NPAS3: variants seen among roughly 807,000 people sequenced by gnomAD.
NPAS3 encodes neuronal PAS domain-containing protein 3.
Under a neutral mutation model 73.1 loss-of-function variants are expected in NPAS3, and 14 were observed. That is an observed-to-expected ratio of 0.19 (90% CI 0.13 to 0.30). NPAS3 has a LOEUF of 0.30. Among genes scored for constraint, NPAS3 ranks in the 10% least tolerant of loss-of-function variants. The pLI, the probability that NPAS3 is intolerant of heterozygous loss-of-function variation, is 1.00. For synonymous variants in NPAS3, 620 were observed against 541.5 expected (o/e 1.14, Z -2.01); for missense variants, 1,096 against 1,250.0 (o/e 0.88, Z 1.86).
intron 2 of NPAS3, among the ~76,000 whole-genome samples, chr14:33,133,399 T>A (rs946080501): frequency 9.9e-5 from 15 of 152,206 alleles, no homozygotes; most frequent in African/African-American, 3.6e-4. Flanking sequence ...TTTCCCTTTT[T>A]AAATGTACAT....
intron 1 of NPAS3, among the ~76,000 whole-genome samples, chr14:33,033,787 A>G (rs77257943): frequency 2.1e-3 from 327 of 152,248 alleles, no homozygotes; most frequent in African/African-American, 7.6e-3. Context: ...GTCTACTCCT[A>G]TTGTTGGTAT....
At chr14:33,085,610 C>T (rs191284600) in intron 2 of NPAS3, among the ~76,000 whole-genome samples, 22 of 152,220 alleles carry the variant, frequency 1.4e-4, no homozygotes, top group Admixed American at 4.6e-4. Context: ...CAAGCTGAGC[C>T]CCCCCAACAC....
At chr14:33,785,585 A>G (rs1483061920) in intron 9 of NPAS3, among the ~76,000 whole-genome samples, 3 of 152,190 alleles carry the variant, frequency 2.0e-5, no homozygotes, top group African/African-American at 7.2e-5. Flanking sequence ...TCCTGAAAAC[A>G]TTCAATGATA....
chr14:33,161,102 G>C (rs1423464042), intron 2 of NPAS3, among the ~76,000 whole-genome samples: 1 of 152,144 alleles, frequency 6.6e-6, no homozygotes, highest in Admixed American at 6.5e-5. Context: ...AGTGACTTTA[G>C]CTTTTCCTTA....
chr14:32,939,958 G>T lies in NPAS3; in HGVS notation c.50+592G>T, dbSNP rs1387764570. On this transcript the variant is annotated intron_variant, in intron 1 of 11. Transcript: ENST00000356141. The stretch of plus-strand genomic sequence containing the variant: ...GGCCGGGCCGAGCCCAGAGGAGCGC[G>T]GCCGCCGCCTCCCTGCCTCCCGGGC... Among the ~76,000 whole-genome samples the T allele has an allele frequency of 4.6e-5, 7 of 152,250 alleles. No individual in the cohort carries two copies. The East Asian group carries it at 1.4e-3, about 30-fold the overall frequency.
At chr14:33,270,848 T>C (rs1457088278) in intron 3 of NPAS3, among the ~76,000 whole-genome samples, 1 of 152,138 alleles carries the variant, frequency 6.6e-6, no homozygotes, top group East Asian at 1.9e-4. Context: ...GTGAACACCT[T>C]TCTGGATGGA....
rs549818153 is a variant in NPAS3 at position 33,086,124 on chromosome 14, A to C, written c.140+30130A>C. The stretch of plus-strand genomic sequence containing the variant: ...GATTGGACATGTCATTATATGTTAA[A>C]AATGATGTGTATTTTTCTTCCACTT... On this transcript the variant is annotated intron_variant, in intron 2 of 11. Coordinates refer to ENST00000356141, the Ensembl canonical transcript of NPAS3. Among the ~76,000 whole-genome samples, 4 of 152,322 alleles carry C rather than the reference A, an allele frequency of 2.6e-5. No homozygotes were observed. The East Asian group carries it at 7.7e-4, about 29-fold the overall frequency.
intron 4 of NPAS3, among the ~76,000 whole-genome samples, chr14:33,462,203 T>C (rs1410448653): frequency 2.6e-5 from 4 of 152,194 alleles, no homozygotes; most frequent in Admixed American, 1.3e-4. Flanking sequence ...AGCTAGCTTA[T>C]CTGGGCAACA....
At chr14:33,780,768 T>C (rs1416612375) in intron 9 of NPAS3, 4 of 380,692 alleles carry the variant, frequency 1.1e-5, no homozygotes, top group Non-Finnish European at 2.1e-5. Flanking sequence ...CCAGAATAAT[T>C]TGAGAGTGCT....
intron 4 of NPAS3, among the ~76,000 whole-genome samples, chr14:33,368,630 T>C (rs1208851022): frequency 6.6e-6 from 1 of 152,234 alleles, no homozygotes; most frequent in Non-Finnish European, 1.5e-5. Context: ...TATCTGTTAA[T>C]ATCTCATAGA....
chr14:32,937,236 G>A (rs2035724020), upstream of NPAS3, among the ~76,000 whole-genome samples: 1 of 152,088 alleles, frequency 6.6e-6, no homozygotes, highest in African/African-American at 2.4e-5. Context: ...GACAGACTTA[G>A]TTTCCGCTTG....
At chr14:33,343,168 C>A (rs186101741) in intron 3 of NPAS3, among the ~76,000 whole-genome samples, 1 of 152,188 alleles carries the variant, frequency 6.6e-6, no homozygotes, top group African/African-American at 2.4e-5. Flanking sequence ...TGAATCCACA[C>A]ATCCCTAGGA....
intron 4 of NPAS3, among the ~76,000 whole-genome samples, chr14:33,516,071 C>G (rs993008851): frequency 1.2e-4 from 18 of 151,690 alleles, no homozygotes. Flanking sequence ...AGCATCTCTG[C>G]TAAGTATACT....
chr14:32,959,708 C>T (rs990987629), intron 1 of NPAS3, among the ~76,000 whole-genome samples: 7 of 152,144 alleles, frequency 4.6e-5, no homozygotes, highest in Non-Finnish European at 8.8e-5. Flanking sequence ...GTCGGGCATA[C>T]TTCATTTCCT....
intron 9 of NPAS3, among the ~76,000 whole-genome samples, chr14:33,780,015 A>T (rs899851361): frequency 6.6e-6 from 1 of 152,222 alleles, no homozygotes; most frequent in Non-Finnish European, 1.5e-5. Context: ...ACTCAGAAAC[A>T]TGGAGATGTT....
chr14:33,308,531 T>TACACAC (rs550021518), intron 3 of NPAS3, among the ~76,000 whole-genome samples: 14 of 115,846 alleles, frequency 1.2e-4, no homozygotes, highest in Non-Finnish European at 1.7e-4. Flanking sequence ...TATATATACA[T>TACACAC]ACACACACAC....
intron 5 of NPAS3, among the ~76,000 whole-genome samples, chr14:33,598,065 A>G (rs763344728): frequency 6.6e-6 from 1 of 152,190 alleles, no homozygotes; most frequent in South Asian, 2.1e-4. Flanking sequence ...CTGTGATTTC[A>G]TGAGTGGATA....
chr14:33,393,969 T>C (rs889465186), intron 4 of NPAS3, among the ~76,000 whole-genome samples: 1 of 152,188 alleles, frequency 6.6e-6, no homozygotes, highest in Non-Finnish European at 1.5e-5. Context: ...ATCTACCAAT[T>C]CATTAGCAGA....
At chr14:33,238,102 A>G (rs2048099418) in intron 3 of NPAS3, among the ~76,000 whole-genome samples, 1 of 152,004 alleles carries the variant, frequency 6.6e-6, no homozygotes, top group South Asian at 2.1e-4. Context: ...GATAAATTCA[A>G]AGTCTATGAG....
Sources: allele counts gnomAD v4.1 joint callset (sites outside exome capture counted in the v4.1 genomes callset), GRCh38; gene constraint gnomAD v4.1.1; transcripts MANE v1.5; gene names NCBI Gene and HGNC (gene_info 2026-07-23, HGNC 2026-07-21).